CAPN7: variants seen among roughly 807,000 people sequenced by gnomAD.
The protein encoded by CAPN7 is calpain 7.
In CAPN7, 72 loss-of-function variants were observed where a neutral mutation model predicts 115.2. The ratio of observed to expected loss-of-function variants is 0.63; its 90% CI spans 0.52 to 0.76. The LOEUF (loss-of-function observed/expected upper bound fraction) is 0.76. CAPN7 is among the 30% of genes least tolerant of loss of function. The pLI is 0.00. For synonymous variants in CAPN7, 344 were observed against 322.3 expected (o/e 1.07, Z -0.72); for missense variants, 905 against 971.5 (o/e 0.93, Z 0.91).
intron 9 of CAPN7, 122 bp downstream of exon 9, chr3:15,230,657 AT>A: frequency 1.7e-6 from 1 of 596,224 alleles, no homozygotes; most frequent in Non-Finnish European, 3.1e-6. Flanking sequence ...AGTCTGTGAT[AT>A]TATATATTAC....
chr3:15,250,388 G>A (rs540722018), intron 19 of CAPN7, among the ~76,000 whole-genome samples: 1 of 152,040 alleles, frequency 6.6e-6, no homozygotes, highest in Non-Finnish European at 1.5e-5. Flanking sequence ...TAAAAAAGAG[G>A]TCGGGCGCAG....
intron 1 of CAPN7, among the ~76,000 whole-genome samples, chr3:15,211,576 A>C (rs759660047): frequency 6.7e-6 from 1 of 149,366 alleles, no homozygotes; most frequent in African/African-American, 2.5e-5. Context: ...TTCTGACTCT[A>C]TCTTTGAAAA....
chr3:15,214,761 A>G (rs62242092), intron 2 of CAPN7, among the ~76,000 whole-genome samples: 3,234 of 152,312 alleles, frequency 0.021, 49 homozygotes, highest in Middle Eastern at 0.037. Flanking sequence ...AGAGTTCAAG[A>G]CTTGGAATTA....
At chr3:15,216,179 G>A (rs1161977866) in intron 2 of CAPN7, among the ~76,000 whole-genome samples, 1 of 152,162 alleles carries the variant, frequency 6.6e-6, no homozygotes, top group Non-Finnish European at 1.5e-5. Context: ...CTGTGTCATA[G>A]GATGTAGCTC....
chr3:15,250,973 A>G lies in CAPN7; in HGVS notation c.2247A>G (p.Leu749=), dbSNP rs1471363606. The G allele has an allele frequency of 6.2e-7, 1 of 1,613,562 alleles. No individual in the cohort carries two copies. The highest frequency in any genetic ancestry group is 2.2e-5 in the East Asian group (1 of 44,848). Residue 749 remains leucine, a synonymous_variant, in exon 20 of 21, where the codon CTA becomes CTG. Coordinates refer to ENST00000253693, the MANE Select transcript of CAPN7 (RefSeq NM_014296.3). ...TTGAGGTTGTAACAGTTTCTACTCTAGGAGATCCTGGTCCCCATGGCTTTC... is the reference window on the plus strand; with the variant it reads ...TTGAGGTTGTAACAGTTTCTACTCTGGGAGATCCTGGTCCCCATGGCTTTC... ...VGFEVVTVST[L]GDPGPHGFLR... is the part of the protein sequence containing the mutation.
chr3:15,242,554 A>T lies in CAPN7; in HGVS notation c.1864+301A>T, dbSNP rs536872475. Reference sequence around the variant, plus strand: ...CAAATGTATTCTGTGGTTTTCCTTGAACTTCTGGATAAAATCTAAGCTCTT... The same window carrying T: ...CAAATGTATTCTGTGGTTTTCCTTGTACTTCTGGATAAAATCTAAGCTCTT... On this transcript the variant is annotated intron_variant, in intron 16 of 20. Transcript: ENST00000253693. Among the ~76,000 whole-genome samples, 25 of 152,258 alleles carry T rather than the reference A, an allele frequency of 1.6e-4. No individual in the cohort carries two copies. The South Asian group carries it at 2.7e-3, about 16-fold the overall frequency.
chr3:15,221,994 G>A (rs557503428), intron 5 of CAPN7, among the ~76,000 whole-genome samples: 2 of 149,832 alleles, frequency 1.3e-5, no homozygotes, highest in South Asian at 2.1e-4. Flanking sequence ...ATATACATAC[G>A]TATACATATA....
At chr3:15,206,636 T>C in intron 1 of CAPN7, 39 bp downstream of exon 1, 2 of 1,448,560 alleles carry the variant, frequency 1.4e-6, no homozygotes, top group East Asian at 2.6e-5. Flanking sequence ...AGTTGCTCAG[T>C]CGGAGTGCGG....
intron 2 of CAPN7, among the ~76,000 whole-genome samples, chr3:15,213,032 T>C (rs1168610397): frequency 6.6e-6 from 1 of 152,238 alleles, no homozygotes; most frequent in Non-Finnish European, 1.5e-5. Flanking sequence ...GGTTTACTTT[T>C]AATACAGTGC....
At chr3:15,211,447 A>G (rs2124867631) in intron 1 of CAPN7, among the ~76,000 whole-genome samples, 1 of 152,312 alleles carries the variant, frequency 6.6e-6, no homozygotes, top group South Asian at 2.1e-4. Flanking sequence ...TTTCAATGAT[A>G]TGTTAAAATT....
Position 15,207,969 on chromosome 3 carries a change from G to A in CAPN7, c.102+1372G>A, listed in dbSNP as rs188928374. 3.3e-5 allele frequency among the ~76,000 whole-genome samples: 5 copies of A among 152,282 alleles called. No homozygotes were observed. In the East Asian group the frequency reaches 7.7e-4, roughly 23 times the overall value. ...TATTATGTACTCTACATTATTGTGT[G>A]TGGTAGACTTTTACACCACTGGCAC... On this transcript the variant is annotated intron_variant, in intron 1 of 20. Transcript: ENST00000253693.
Position 15,247,431 on chromosome 3 carries a change from G to GT in CAPN7, c.2180dup (p.Leu727PhefsTer4). The stretch of plus-strand genomic sequence containing the variant: ...AATTCCATATAGAAAAGACTGGGCC[G>GT]TTACTGATTGAGCTACGAGGACCAA... On this transcript the variant is annotated frameshift_variant, in exon 19 of 21. Transcript: ENST00000253693. LOFTEE classifies it high-confidence loss of function. 2 of 1,601,758 alleles carry GT rather than the reference G, an allele frequency of 1.2e-6. No individual in the cohort carries two copies. The highest frequency in any genetic ancestry group is 1.7e-6 in the Non-Finnish European group (2 of 1,176,128).
Position 15,225,063 on chromosome 3 carries a change from G to A in CAPN7, c.725+1502G>A, listed in dbSNP as rs1414950051. Among the ~76,000 whole-genome samples the A allele has an allele frequency of 1.1e-4, 16 of 152,222 alleles. No homozygotes were observed. In the East Asian group the frequency reaches 2.9e-3, roughly 27 times the overall value. Reference sequence around the variant, plus strand: ...CTCAGTTTCTTGTCTGTAAAATGGGGATAATAATAGAAACTACCTCATAAT... The same window carrying A: ...CTCAGTTTCTTGTCTGTAAAATGGGAATAATAATAGAAACTACCTCATAAT... On this transcript the variant is annotated intron_variant, in intron 6 of 20. Transcript: ENST00000253693.
intron 10 of CAPN7, among the ~76,000 whole-genome samples, chr3:15,233,107 A>T (rs1368806011): frequency 6.6e-6 from 1 of 152,216 alleles, no homozygotes; most frequent in East Asian, 1.9e-4. Flanking sequence ...GATTGGCATG[A>T]CTTTAAATTC....
chr3:15,220,235 C>T (rs897492642), intron 4 of CAPN7, among the ~76,000 whole-genome samples: 4 of 151,982 alleles, frequency 2.6e-5, no homozygotes, highest in Admixed American at 6.6e-5. Flanking sequence ...AAGAAATTAC[C>T]TTAATTCATT....
At chr3:15,222,795 A>G (rs529142398) in intron 5 of CAPN7, among the ~76,000 whole-genome samples, 2 of 152,248 alleles carry the variant, frequency 1.3e-5, no homozygotes, top group African/African-American at 4.8e-5. Context: ...GGCTGTACAT[A>G]GTCCCAACAA....
At chr3:15,213,575 C>G (rs560933622) in intron 2 of CAPN7, among the ~76,000 whole-genome samples, 3 of 152,346 alleles carry the variant, frequency 2.0e-5, no homozygotes, top group East Asian at 3.9e-4. Flanking sequence ...TTCCATCTTT[C>G]TTTTCCATAT....
chr3:15,213,838 T>G (rs562118656), intron 2 of CAPN7, among the ~76,000 whole-genome samples: 1 of 152,260 alleles, frequency 6.6e-6, no homozygotes, highest in Admixed American at 6.5e-5. Context: ...CCCAATCTCT[T>G]GAAGAATAAA....
intron 16 of CAPN7, among the ~76,000 whole-genome samples, chr3:15,244,085 C>CTGTA (rs1299210905): frequency 2.0e-5 from 3 of 152,154 alleles, no homozygotes; most frequent in African/African-American, 7.2e-5. Flanking sequence ...AAGGAAGCAA[C>CTGTA]TGTTGACAGT....
Sources: allele counts gnomAD v4.1 joint callset (sites outside exome capture counted in the v4.1 genomes callset), GRCh38; gene constraint gnomAD v4.1.1; transcripts MANE v1.5; gene names NCBI Gene and HGNC (gene_info 2026-07-23, HGNC 2026-07-21).